Variants in STAG1 observed in about 807,000 individuals in gnomAD.
STAG1 encodes the protein STAG1 cohesin complex component, also known as cohesin subunit SA-1.
Under a neutral mutation model 170.9 loss-of-function variants are expected in STAG1, and 26 were observed. The ratio of observed to expected loss-of-function variants is 0.15; its 90% CI spans 0.11 to 0.21. The LOEUF is 0.21. Among genes scored for constraint, STAG1 ranks in the 10% least tolerant of loss-of-function variants. The probability of loss-of-function intolerance (pLI) is 1.00; values close to 1 mark genes in which losing one functional copy is unlikely to be tolerated. For missense variants in STAG1, 964 were observed against 1,509.5 expected (o/e 0.64, Z 5.99); for synonymous variants, 514 against 497.7 (o/e 1.03, Z -0.44).
chr3:136,450,152 T>G (rs2088896205), intron 14 of STAG1, among the ~76,000 whole-genome samples: 1 of 152,174 alleles, frequency 6.6e-6, no homozygotes, highest in Non-Finnish European at 1.5e-5. Context: ...CTAAAAAAAT[T>G]CACACTTTGC....
In STAG1 at chr3:136,677,036, T is replaced by C. The variant is rs536628959; in HGVS notation, c.-83-46055A>G. 2.3e-4 allele frequency among the ~76,000 whole-genome samples: 35 copies of C among 152,196 alleles called. No homozygotes were observed. In the South Asian group the frequency reaches 7.2e-3, roughly 32 times the overall value. ...AAGCTGTCATCTCTTATGATAACAA[T>C]ACCTTCCCTCTAGAATATCTCCTTA... On this transcript the variant is annotated intron_variant, in intron 1 of 33. Coordinates refer to ENST00000383202, the MANE Select transcript of STAG1 (RefSeq NM_005862.3).
chr3:136,370,241 C>A (rs201767139), intron 23 of STAG1, among the ~76,000 whole-genome samples: 7 of 152,036 alleles, frequency 4.6e-5, no homozygotes, highest in Non-Finnish European at 5.9e-5. Context: ...CAGCTCCATG[C>A]AAAATACTGC....
At chr3:136,508,724 T>A (rs1256375123) in intron 7 of STAG1, among the ~76,000 whole-genome samples, 3 of 152,214 alleles carry the variant, frequency 2.0e-5, no homozygotes, top group Admixed American at 6.5e-5. Context: ...CCTGAGTTTC[T>A]AGCCTGCTCC....
At chr3:136,532,353 C>T (rs1397530487) in intron 6 of STAG1, among the ~76,000 whole-genome samples, 2 of 152,020 alleles carry the variant, frequency 1.3e-5, no homozygotes, top group Admixed American at 6.6e-5. Flanking sequence ...TTGCTGTGGC[C>T]TTATCTGGTT....
chr3:136,613,554 T>C (rs932246722), intron 3 of STAG1, among the ~76,000 whole-genome samples: 3 of 152,136 alleles, frequency 2.0e-5, no homozygotes, highest in Non-Finnish European at 2.9e-5. Flanking sequence ...TGATGCAATC[T>C]CAGCTCACTG....
At chr3:136,426,466 T>C (rs984923127) in intron 16 of STAG1, among the ~76,000 whole-genome samples, 1 of 152,102 alleles carries the variant, frequency 6.6e-6, no homozygotes. Context: ...CTAGAAATAT[T>C]GGAAAACAAA....
Position 136,376,636 on chromosome 3 carries a change from C to T in STAG1, c.2370+1024G>A, listed in dbSNP as rs921332153. 7.2e-5 allele frequency among the ~76,000 whole-genome samples: 11 copies of T among 152,140 alleles called. No individual in the cohort carries two copies. The East Asian group carries it at 7.7e-4, about 11-fold the overall frequency. Reference sequence around the variant, plus strand: ...GGTGGTGAATGGGCAGCTGTTTGGGCGGGTGGTATTGACAAGAGTTTCAAG... The same window carrying T: ...GGTGGTGAATGGGCAGCTGTTTGGGTGGGTGGTATTGACAAGAGTTTCAAG... On this transcript the variant is annotated intron_variant, in intron 23 of 33. Transcript: ENST00000383202.
At chr3:136,495,631 G>A (rs938021734) in intron 9 of STAG1, among the ~76,000 whole-genome samples, 2 of 151,770 alleles carry the variant, frequency 1.3e-5, no homozygotes, top group Admixed American at 6.6e-5. Context: ...TCAAGAGTTC[G>A]AGACCAGCCT....
At chr3:136,616,570 G>A (rs1432548899) in intron 3 of STAG1, among the ~76,000 whole-genome samples, 2 of 152,112 alleles carry the variant, frequency 1.3e-5, no homozygotes, top group African/African-American at 4.8e-5. Context: ...TTTTTATAGA[G>A]ATCTTTGTTT....
chr3:136,711,182 C>A (rs919867659), intron 1 of STAG1, among the ~76,000 whole-genome samples: 4 of 152,036 alleles, frequency 2.6e-5, no homozygotes. Flanking sequence ...TCTGCCCATT[C>A]CAAAATTGAT....
At chr3:136,648,819 T>A (rs1268610285) in intron 1 of STAG1, among the ~76,000 whole-genome samples, 1 of 152,214 alleles carries the variant, frequency 6.6e-6, no homozygotes, top group Non-Finnish European at 1.5e-5. Context: ...GCTGTCCTGT[T>A]GAATATTTCA....
chr3:136,665,523 T>C (rs917554986), intron 1 of STAG1, among the ~76,000 whole-genome samples: 1 of 152,144 alleles, frequency 6.6e-6, no homozygotes, highest in South Asian at 2.1e-4. Context: ...CTCACACCTG[T>C]AATCCCAGCA....
At chr3:136,377,999 C>T (rs538661061) in intron 22 of STAG1, among the ~76,000 whole-genome samples, 1 of 152,236 alleles carries the variant, frequency 6.6e-6, no homozygotes, top group East Asian at 1.9e-4. Flanking sequence ...TTGTTTTCAA[C>T]AGATTTCCTT....
intron 7 of STAG1, among the ~76,000 whole-genome samples, chr3:136,504,365 T>G (rs966419479): frequency 6.6e-6 from 1 of 152,234 alleles, no homozygotes; most frequent in Non-Finnish European, 1.5e-5. Context: ...TCAGGATTTT[T>G]GCATTAGAAA....
At chr3:136,586,858 T>A (rs1344878394) in intron 4 of STAG1, 1 of 456,574 alleles carries the variant, frequency 2.2e-6, no homozygotes, top group Non-Finnish European at 4.4e-6. Flanking sequence ...CAAAGGCTTC[T>A]AAGAAGTAGA....
intron 22 of STAG1, among the ~76,000 whole-genome samples, chr3:136,382,688 G>A (rs1938041789): frequency 6.6e-6 from 1 of 152,092 alleles, no homozygotes; most frequent in Non-Finnish European, 1.5e-5. Flanking sequence ...TGGGATTAGA[G>A]GCATGAGCCA....
intron 15 of STAG1, among the ~76,000 whole-genome samples, chr3:136,435,750 A>C (rs1301997090): frequency 3.3e-5 from 5 of 151,930 alleles, no homozygotes; most frequent in Non-Finnish European, 4.4e-5. Flanking sequence ...GCTCACTGCA[A>C]CCTCTGCCGC....
At chr3:136,417,673 T>C (rs940244181) in intron 21 of STAG1, 1 of 449,720 alleles carries the variant, frequency 2.2e-6, no homozygotes, top group South Asian at 3.6e-5. Flanking sequence ...TTTTAAGATA[T>C]GTTATAGCAA....
At chr3:136,556,509 T>A (rs1242348285) in intron 5 of STAG1, among the ~76,000 whole-genome samples, 1 of 152,046 alleles carries the variant, frequency 6.6e-6, no homozygotes, top group Non-Finnish European at 1.5e-5. Flanking sequence ...CTAACATACA[T>A]ACAGATTCAA....
Sources: allele counts gnomAD v4.1 joint callset (sites outside exome capture counted in the v4.1 genomes callset), GRCh38; gene constraint gnomAD v4.1.1; transcripts MANE v1.5; gene names NCBI Gene and HGNC (gene_info 2026-07-23, HGNC 2026-07-21).